The following SYT1 variants were observed in gnomAD, a reference collection of about 807,000 sequenced individuals.
The protein encoded by SYT1 is synaptotagmin-1.
SYT1 carries 8 observed loss-of-function variants against 44.8 expected under a neutral mutation model. The ratio of observed to expected loss-of-function variants is 0.18; its 90% CI spans 0.10 to 0.32. The LOEUF is 0.32. Among genes scored for constraint, SYT1 ranks in the 10% least tolerant of loss-of-function variants. SYT1 has a pLI of 1.00. For synonymous variants in SYT1, 154 were observed against 188.8 expected, an observed-to-expected ratio of 0.82 and a Z score of 1.51; for missense variants, 286 against 509.3, an observed-to-expected ratio of 0.56 and a Z score of 4.22.
At chr12:78,903,414 T>C (rs1049865503) in intron 1 of SYT1, among the ~76,000 whole-genome samples, 9 of 152,008 alleles carry the variant, frequency 5.9e-5, no homozygotes, top group Non-Finnish European at 7.4e-5. Context: ...GCCTCCTGTG[T>C]AGCCTGGGAT....
At chr12:78,869,129 C>A (rs757176653) in intron 1 of SYT1, among the ~76,000 whole-genome samples, 1 of 151,816 alleles carries the variant, frequency 6.6e-6, no homozygotes, top group Non-Finnish European at 1.5e-5. Flanking sequence ...AAATGATCAA[C>A]ATTTTTTCAG....
At chr12:79,127,260 T>C (rs1868498719) in intron 3 of SYT1, among the ~76,000 whole-genome samples, 1 of 152,256 alleles carries the variant, frequency 6.6e-6, no homozygotes, top group South Asian at 2.1e-4. Flanking sequence ...TTCTCCATCT[T>C]CTAACATTCC....
At chr12:79,052,752 A>G (rs1322432927) in intron 3 of SYT1, among the ~76,000 whole-genome samples, 2 of 152,212 alleles carry the variant, frequency 1.3e-5, no homozygotes, top group Non-Finnish European at 2.9e-5. Flanking sequence ...AGACACATGA[A>G]AAAATGCTCA....
At chr12:79,314,948 C>G (rs545181439) in intron 8 of SYT1, among the ~76,000 whole-genome samples, 1 of 152,256 alleles carries the variant, frequency 6.6e-6, no homozygotes, top group African/African-American at 2.4e-5. Context: ...AATCCACAGA[C>G]AGACAGAAAG....
At chr12:79,251,137 C>T (rs1408294811) in intron 4 of SYT1, among the ~76,000 whole-genome samples, 1 of 152,120 alleles carries the variant, frequency 6.6e-6, no homozygotes, top group African/African-American at 2.4e-5. Flanking sequence ...TGACTTGGGT[C>T]ATGTACTCAG....
chr12:79,064,723 T>A (rs916414640), intron 3 of SYT1, among the ~76,000 whole-genome samples: 1 of 151,776 alleles, frequency 6.6e-6, no homozygotes, highest in Non-Finnish European at 1.5e-5. Flanking sequence ...GTATGATTTT[T>A]CTTTTTGGTC....
At chr12:78,904,042 A>T (rs899204274) in intron 1 of SYT1, among the ~76,000 whole-genome samples, 1 of 152,136 alleles carries the variant, frequency 6.6e-6, no homozygotes, top group Admixed American at 6.5e-5. Context: ...TAAGAAAAAT[A>T]ATAATTTAAA....
Position 78,958,417 on chromosome 12 carries a change from G to A in SYT1, c.-216-19382G>A, listed in dbSNP as rs545347634. Among the ~76,000 whole-genome samples, 8 of 151,974 alleles carry A rather than the reference G, an allele frequency of 5.3e-5. No homozygotes were observed. In the South Asian group the frequency reaches 1.0e-3, roughly 20 times the overall value. Reference sequence around the variant, plus strand: ...AATCAATCAAAACACAAACAAGGCCGGGAGCCATGGCTTACACCAGAAATC... The same window carrying A: ...AATCAATCAAAACACAAACAAGGCCAGGAGCCATGGCTTACACCAGAAATC... On this transcript the variant is annotated intron_variant, in intron 1 of 10. Coordinates refer to ENST00000261205, the MANE Select transcript of SYT1 (RefSeq NM_005639.3).
chr12:79,119,857 G>A (rs1415560685), intron 3 of SYT1, among the ~76,000 whole-genome samples: 1 of 152,000 alleles, frequency 6.6e-6, no homozygotes, highest in Non-Finnish European at 1.5e-5. Flanking sequence ...CTTGAGTAAG[G>A]ACAGAAGCTA....
intron 3 of SYT1, among the ~76,000 whole-genome samples, chr12:79,187,935 T>G (rs1366645704): frequency 6.6e-6 from 1 of 152,164 alleles, no homozygotes; most frequent in Admixed American, 6.6e-5. Flanking sequence ...ATTTGAATTA[T>G]TTAAGGAATA....
At chr12:79,064,453 G>T (rs1875614317) in intron 3 of SYT1, among the ~76,000 whole-genome samples, 1 of 152,010 alleles carries the variant, frequency 6.6e-6, no homozygotes, top group South Asian at 2.1e-4. Flanking sequence ...CTAGAAATCA[G>T]TTTCTAAATG....
chr12:78,927,875 T>A (rs1241383384), intron 1 of SYT1, among the ~76,000 whole-genome samples: 3 of 152,174 alleles, frequency 2.0e-5, no homozygotes, highest in Non-Finnish European at 4.4e-5. Flanking sequence ...GATGCTTCTA[T>A]TTGCATTTAT....
chr12:79,126,285 G>A lies in SYT1; in HGVS notation c.-18+78923G>A, dbSNP rs534204217. On this transcript the variant is annotated intron_variant, in intron 3 of 10. Transcript: ENST00000261205. The stretch of plus-strand genomic sequence containing the variant: ...TTTTGTTTTTGTTTTTGTTTGAGAC[G>A]GAGTCTCGCTCTGTTGCCAGGCTGG... Among the ~76,000 whole-genome samples the A allele has an allele frequency of 3.7e-4, 56 of 152,150 alleles. 1 individual carries two copies. Among genetic ancestry groups the A allele is most frequent in the African/African-American group, 1.1e-3 (45 of 41,526 alleles).
At chr12:79,242,966 G>C (rs1374945366) in intron 4 of SYT1, among the ~76,000 whole-genome samples, 2 of 152,186 alleles carry the variant, frequency 1.3e-5, no homozygotes, top group Admixed American at 1.3e-4. Context: ...GTACCATATG[G>C]CTGGAGAAGC....
chr12:79,291,548 A>G (rs1203833565), intron 5 of SYT1, among the ~76,000 whole-genome samples: 1 of 152,230 alleles, frequency 6.6e-6, no homozygotes, highest in Non-Finnish European at 1.5e-5. Flanking sequence ...TTCATAGGAA[A>G]TAAGGCAACA....
At chr12:79,002,484 C>G (rs2137535457) in intron 2 of SYT1, among the ~76,000 whole-genome samples, 1 of 151,884 alleles carries the variant, frequency 6.6e-6, no homozygotes, top group Middle Eastern at 3.4e-3. Context: ...GAAAATTTTG[C>G]TTAAAATAAT....
intron 3 of SYT1, among the ~76,000 whole-genome samples, chr12:79,191,100 A>ATAT (rs1565847763): frequency 1.5e-4 from 22 of 149,696 alleles, no homozygotes; most frequent in Admixed American, 5.3e-4. Context: ...CATAAATATA[A>ATAT]ATATATATAT....
At chr12:78,975,040 G>A (rs1276321571) in intron 1 of SYT1, among the ~76,000 whole-genome samples, 3 of 151,986 alleles carry the variant, frequency 2.0e-5, no homozygotes, top group Non-Finnish European at 2.9e-5. Context: ...AACGTTTAAT[G>A]CTCCTTCCTG....
intron 1 of SYT1, among the ~76,000 whole-genome samples, chr12:78,959,443 T>C (rs1402365259): frequency 6.6e-6 from 1 of 152,186 alleles, no homozygotes; most frequent in Non-Finnish European, 1.5e-5. Flanking sequence ...CTACCTTACA[T>C]AAAAATACTG....
Sources: gnomAD v4.1 joint callset for allele counts (sites outside exome capture counted in the v4.1 genomes callset) on GRCh38, gnomAD v4.1.1 for gene constraint, MANE v1.5 for transcripts, NCBI Gene and HGNC (gene_info 2026-07-23, HGNC 2026-07-21) for gene names.